Variants in NR6A1 observed in about 807,000 individuals in gnomAD.
The protein encoded by NR6A1 is nuclear receptor subfamily 6 group A member 1.
NR6A1 carries 7 observed loss-of-function variants against 59.1 expected under a neutral mutation model. The ratio of observed to expected loss-of-function variants is 0.12; its 90% CI spans 0.07 to 0.22. NR6A1 has a LOEUF of 0.22. NR6A1 is among the 10% of genes least tolerant of loss of function. The probability of loss-of-function intolerance (pLI) is 1.00; values close to 1 mark genes in which losing one functional copy is unlikely to be tolerated. For synonymous variants in NR6A1, 243 were observed against 236.1 expected (o/e 1.03, Z -0.27); for missense variants, 468 against 611.6 (o/e 0.77, Z 2.48).
At chr9:124,609,577 G>A (rs558253804) in intron 2 of NR6A1, among the ~76,000 whole-genome samples, 2 of 152,162 alleles carry the variant, frequency 1.3e-5, no homozygotes, top group African/African-American at 4.8e-5. Flanking sequence ...GCTTAGGATT[G>A]TCTTGGGTAT....
chr9:124,651,542 C>T (rs1044512225), intron 2 of NR6A1, among the ~76,000 whole-genome samples: 1 of 152,190 alleles, frequency 6.6e-6, no homozygotes, highest in African/African-American at 2.4e-5. Context: ...AACAATTTTA[C>T]AAAGTACCTA....
chr9:124,677,225 A>G lies in NR6A1; in HGVS notation c.142+56083T>C, dbSNP rs993199383. ...TTTTCATATATGGTCAAAATAGTAT[A>G]GTAACTACCAAGCTTTACTTCCAAA... On this transcript the variant is annotated intron_variant, in intron 2 of 9. Coordinates refer to ENST00000487099, the MANE Select transcript of NR6A1 (RefSeq NM_033334.4). Among the ~76,000 whole-genome samples the G allele has an allele frequency of 2.0e-5, 3 of 152,188 alleles. No individual in the cohort carries two copies. The East Asian group carries it at 5.8e-4, about 29-fold the overall frequency.
intron 2 of NR6A1, among the ~76,000 whole-genome samples, chr9:124,728,536 G>T (rs1472336214): frequency 2.6e-5 from 4 of 152,000 alleles, no homozygotes; most frequent in African/African-American, 4.8e-5. Context: ...TCGGGAGGCT[G>T]AGGCAGGAGA....
chr9:124,733,255 T>C (rs1453498236), intron 2 of NR6A1, 53 bp downstream of exon 2: 2 of 1,304,140 alleles, frequency 1.5e-6, no homozygotes, highest in African/African-American at 2.9e-5. Flanking sequence ...CTTAAAAGTG[T>C]ACACACACAT....
intron 2 of NR6A1, among the ~76,000 whole-genome samples, chr9:124,581,929 G>C (rs1238390764): frequency 1.3e-5 from 2 of 152,312 alleles, no homozygotes; most frequent in South Asian, 2.1e-4. Context: ...AACAACAGAT[G>C]CTGGCGAGGC....
chr9:124,770,664 G>C (rs1406291220), intron 1 of NR6A1, among the ~76,000 whole-genome samples: 1 of 141,794 alleles, frequency 7.1e-6, no homozygotes, highest in African/African-American at 2.6e-5. Context: ...GGGAAGACAG[G>C]GGGAGGGGAC....
intron 1 of NR6A1, among the ~76,000 whole-genome samples, chr9:124,762,970 G>A (rs1840822409): frequency 6.6e-6 from 1 of 152,204 alleles, no homozygotes; most frequent in East Asian, 1.9e-4. Context: ...TGATATGACA[G>A]ACTCACTGTT....
rs574525757 is a variant in NR6A1, at chr9:124,555,567, G to C, written c.143-997C>G. 4.3e-4 allele frequency among the ~76,000 whole-genome samples: 66 copies of C among 152,314 alleles called. 1 individual carries two copies. Among genetic ancestry groups the C allele is most frequent in the African/African-American group, 1.6e-3 (65 of 41,566 alleles). Reference sequence around the variant, plus strand: ...GGAGTTTGAGGCTGCAGTGAGCTATGATTGCACCACTGCATTCCAGCCTGA... The same window carrying C: ...GGAGTTTGAGGCTGCAGTGAGCTATCATTGCACCACTGCATTCCAGCCTGA... On this transcript the variant is annotated intron_variant, in intron 2 of 9. Coordinates refer to ENST00000487099, the MANE Select transcript of NR6A1 (RefSeq NM_033334.4).
At chr9:124,619,501 A>T (rs1021351916) in intron 2 of NR6A1, among the ~76,000 whole-genome samples, 3 of 152,036 alleles carry the variant, frequency 2.0e-5, no homozygotes, top group Non-Finnish European at 2.9e-5. Context: ...GAGCTCAAGC[A>T]ATCTGCCTGC....
chr9:124,749,474 G>A (rs972950029), intron 1 of NR6A1, among the ~76,000 whole-genome samples: 18 of 152,148 alleles, frequency 1.2e-4, no homozygotes, highest in African/African-American at 4.3e-4. Flanking sequence ...GCTTCTTCAT[G>A]AGGTTGCAGT....
intron 1 of NR6A1, among the ~76,000 whole-genome samples, chr9:124,766,272 T>A (rs1486152465): frequency 6.6e-6 from 1 of 152,212 alleles, no homozygotes; most frequent in Admixed American, 6.5e-5. Context: ...AAAACTTTAA[T>A]TAAAAAGTTA....
intron 2 of NR6A1, among the ~76,000 whole-genome samples, chr9:124,715,291 G>A (rs559203079): frequency 3.3e-5 from 5 of 152,204 alleles, no homozygotes; most frequent in African/African-American, 1.2e-4. Flanking sequence ...GGGAGGCTGA[G>A]GTGAGAGGGT....
At chr9:124,753,563 G>A (rs1840561944) in intron 1 of NR6A1, among the ~76,000 whole-genome samples, 1 of 152,128 alleles carries the variant, frequency 6.6e-6, no homozygotes, top group Non-Finnish European at 1.5e-5. Flanking sequence ...TCAACTCTAA[G>A]CCTCAGTTTA....
At chr9:124,603,198 G>A (rs1288741181) in intron 2 of NR6A1, among the ~76,000 whole-genome samples, 2 of 152,002 alleles carry the variant, frequency 1.3e-5, no homozygotes, top group Admixed American at 6.6e-5. Flanking sequence ...TTAATCTCAT[G>A]TACTCCAAAG....
intron 2 of NR6A1, among the ~76,000 whole-genome samples, chr9:124,568,033 GC>G (rs1402990001): frequency 1.1e-4 from 17 of 151,204 alleles, no homozygotes; most frequent in Middle Eastern, 3.4e-3. Context: ...AATTAGCCAG[GC>G]ATGGTGGTGT....
intron 2 of NR6A1, among the ~76,000 whole-genome samples, chr9:124,631,348 T>C (rs1836435828): frequency 6.6e-6 from 1 of 152,224 alleles, no homozygotes; most frequent in Admixed American, 6.5e-5. Context: ...AATATTAAGA[T>C]ACAAGGATCA....
intron 1 of NR6A1, among the ~76,000 whole-genome samples, chr9:124,743,911 T>A (rs775738131): frequency 5.9e-5 from 9 of 152,188 alleles, no homozygotes; most frequent in Non-Finnish European, 1.0e-4. Flanking sequence ...CTGTTGATAA[T>A]CCTTCATTTG....
intron 2 of NR6A1, among the ~76,000 whole-genome samples, chr9:124,656,776 G>A (rs1837273890): frequency 6.6e-6 from 1 of 152,178 alleles, no homozygotes; most frequent in Non-Finnish European, 1.5e-5. Flanking sequence ...AAGTTGCAGT[G>A]AGCCAAGACA....
At position 124,609,112 on chromosome 9, in the gene NR6A1, T is replaced by C. The variant is rs913927223; in HGVS notation, c.143-54542A>G. ...CTGTTCACTCTGATGATAGTTTCTA[T>C]TGCTGTCCTATTTGTCAATTTTTGC... On this transcript the variant is annotated intron_variant, in intron 2 of 9. Coordinates refer to ENST00000487099, the MANE Select transcript of NR6A1 (RefSeq NM_033334.4). 2.0e-5 allele frequency among the ~76,000 whole-genome samples: 3 copies of C among 151,968 alleles called. No homozygotes were observed. The East Asian group carries it at 5.8e-4, about 29-fold the overall frequency.
Sources: allele counts gnomAD v4.1 joint callset (sites outside exome capture counted in the v4.1 genomes callset), GRCh38; gene constraint gnomAD v4.1.1; transcripts MANE v1.5; gene names NCBI Gene and HGNC (gene_info 2026-07-23, HGNC 2026-07-21).